The following PTPN13 variants were observed in gnomAD, a reference collection of about 807,000 sequenced individuals.
PTPN13 encodes tyrosine-protein phosphatase non-receptor type 13.
In PTPN13, 191 loss-of-function variants were observed where a neutral mutation model predicts 284.0. The observed-to-expected ratio is 0.67, with a 90% CI of 0.60 to 0.76. PTPN13 has a LOEUF of 0.76. Among genes scored for constraint, PTPN13 ranks in the 30% least tolerant of loss-of-function variants. PTPN13 has a pLI of 0.00. For synonymous variants in PTPN13, 986 were observed against 1,022.3 expected, an observed-to-expected ratio of 0.96 and a Z score of 0.68; for missense variants, 2,797 against 2,939.9, an observed-to-expected ratio of 0.95 and a Z score of 1.12.
chr4:86,630,318 T>A (rs17011965), intron 1 of PTPN13, among the ~76,000 whole-genome samples: 1 of 152,162 alleles, frequency 6.6e-6, no homozygotes, highest in Admixed American at 6.6e-5. Flanking sequence ...GTAAGACTTA[T>A]GTATAGCAAG....
At chr4:86,749,744 T>C (rs974620742) in intron 17 of PTPN13, among the ~76,000 whole-genome samples, 10 of 152,234 alleles carry the variant, frequency 6.6e-5, no homozygotes, top group African/African-American at 2.4e-4. Flanking sequence ...ATCATGTTAA[T>C]TTACAGATAC....
At chr4:86,710,852 T>C (rs1253831415) in intron 7 of PTPN13, among the ~76,000 whole-genome samples, 1 of 152,160 alleles carries the variant, frequency 6.6e-6, no homozygotes, top group Non-Finnish European at 1.5e-5. Flanking sequence ...AAAATAGTAC[T>C]AGAGATGAAA....
In PTPN13 at chr4:86,763,060, T is replaced by C. The variant is rs556289406; in HGVS notation, c.3887T>C (p.Phe1296Ser). ...TCCAAAGCCACCGAGAAAGAGACTT[T>C]CACTGATAGTAACCAAAGCAAAACT... ...VISKATEKET[F>S]TDSNQSKTKK... Residue 1296 changes from phenylalanine to serine, a missense_variant, in exon 24 of 48, where the codon TTC becomes TCC. Physicochemically the swap from Phe to Ser is radical, Grantham distance 155 (BLOSUM62 -2). Transcript: ENST00000411767. The C allele has an allele frequency of 6.2e-7, 1 of 1,613,742 alleles. No individual in the cohort carries two copies. Among genetic ancestry groups the C allele is most frequent in the Admixed American group, 1.7e-5 (1 of 60,008 alleles).
rs746394906 is a variant in PTPN13 at position 86,745,148 on chromosome 4, T to C, written c.2650+20T>C. The C allele has an allele frequency of 3.8e-6, 6 of 1,591,986 alleles. No homozygotes were observed. The African/African-American group carries it at 8.1e-5, about 22-fold the overall frequency. ...ATATTGGTAAGGAGAAGCAGACTAT[T>C]TCAGATGACTCCTGGGAATATGAAT... On this transcript the variant is annotated intron_variant, in intron 17 of 47. Transcript: ENST00000411767.
chr4:86,765,311 A>T, intron 25 of PTPN13, 84 bp from the exon 26 acceptor site: 1 of 988,010 alleles, frequency 1.0e-6, no homozygotes, highest in Non-Finnish European at 1.6e-6. Flanking sequence ...GCTTTGGCTA[A>T]TGAATCCTTT....
chr4:86,602,342 C>T (rs553734333), intron 1 of PTPN13, among the ~76,000 whole-genome samples: 2 of 152,032 alleles, frequency 1.3e-5, no homozygotes, highest in African/African-American at 4.8e-5. Context: ...AGGATGATAA[C>T]CAAGCCTACT....
chr4:86,659,749 G>A (rs2148843863), intron 2 of PTPN13, among the ~76,000 whole-genome samples: 1 of 152,132 alleles, frequency 6.6e-6, no homozygotes, highest in Admixed American at 6.5e-5. Flanking sequence ...CTGGGAGGCA[G>A]AGGTTGCGGT....
intron 2 of PTPN13, among the ~76,000 whole-genome samples, chr4:86,660,158 G>C (rs1199961137): frequency 6.6e-6 from 1 of 152,166 alleles, no homozygotes; most frequent in Admixed American, 6.5e-5. Flanking sequence ...ACAGTAGTAT[G>C]TGAGACTGAT....
chr4:86,700,574 C>G (rs1731049173), intron 6 of PTPN13, among the ~76,000 whole-genome samples: 1 of 151,942 alleles, frequency 6.6e-6, no homozygotes. Context: ...AAATTATGTT[C>G]TAGAGGAAAA....
intron 2 of PTPN13, among the ~76,000 whole-genome samples, chr4:86,639,563 C>T (rs374731850): frequency 2.6e-5 from 4 of 151,510 alleles, no homozygotes; most frequent in Admixed American, 2.0e-4. Context: ...TCATTCTCAG[C>T]AAACTATCGC....
intron 1 of PTPN13, among the ~76,000 whole-genome samples, chr4:86,621,552 A>C (rs905561441): frequency 3.9e-5 from 6 of 152,178 alleles, no homozygotes; most frequent in African/African-American, 1.2e-4. Flanking sequence ...ACCTGACTGA[A>C]CTGACATGAA....
At chr4:86,781,238 A>T (rs1221455221) in intron 36 of PTPN13, among the ~76,000 whole-genome samples, 1 of 152,166 alleles carries the variant, frequency 6.6e-6, no homozygotes, top group African/African-American at 2.4e-5. Flanking sequence ...AGAGGTTCTT[A>T]AATGTATTTA....
intron 6 of PTPN13, among the ~76,000 whole-genome samples, chr4:86,699,391 C>CA (rs879562287): frequency 6.6e-4 from 92 of 139,816 alleles, no homozygotes; most frequent in Middle Eastern, 3.7e-3. Context: ...ATCCCCCCTC[C>CA]AAAAAAAAAA....
chr4:86,617,179 T>A (rs931970249), intron 1 of PTPN13, among the ~76,000 whole-genome samples: 1 of 152,164 alleles, frequency 6.6e-6, no homozygotes, highest in South Asian at 2.1e-4. Flanking sequence ...TTTCTAGGGC[T>A]TTACTATCTA....
chr4:86,672,932 G>A (rs1003126694), intron 3 of PTPN13, among the ~76,000 whole-genome samples: 1 of 152,160 alleles, frequency 6.6e-6, no homozygotes, highest in Non-Finnish European at 1.5e-5. Context: ...GTTTTTCCAA[G>A]GATGGGGTGG....
chr4:86,699,146 G>A (rs962404643), intron 6 of PTPN13, among the ~76,000 whole-genome samples: 5 of 152,104 alleles, frequency 3.3e-5, no homozygotes, highest in South Asian at 2.1e-4. Flanking sequence ...CCAGCACTTT[G>A]GGAGGCTGAG....
At chr4:86,595,810 T>C in intron 1 of PTPN13, 1 of 964,740 alleles carries the variant, frequency 1.0e-6, no homozygotes, top group Non-Finnish European at 1.2e-6. Flanking sequence ...AATTTTAAGA[T>C]TTTAAAATTT....
intron 41 of PTPN13, among the ~76,000 whole-genome samples, chr4:86,797,216 G>C (rs1468934011): frequency 1.3e-5 from 2 of 152,100 alleles, no homozygotes; most frequent in Admixed American, 6.6e-5. Context: ...AAGAACCCAG[G>C]CATGGTGTCT....
chr4:86,764,495 G>T (rs1408977798), intron 24 of PTPN13, 98 bp from the exon 25 acceptor site: 4 of 918,484 alleles, frequency 4.4e-6, no homozygotes, highest in Non-Finnish European at 6.1e-6. Flanking sequence ...AGCCAGCTTT[G>T]TCCTGGGCTA....
Sources: gnomAD v4.1 joint callset for allele counts (sites outside exome capture counted in the v4.1 genomes callset) on GRCh38, gnomAD v4.1.1 for gene constraint, MANE v1.5 for transcripts, NCBI Gene and HGNC (gene_info 2026-07-23, HGNC 2026-07-21) for gene names.